Variants in SYT17 observed in about 807,000 individuals in gnomAD.
The protein encoded by SYT17 is synaptotagmin-17.
SYT17 carries 22 observed loss-of-function variants against 46.7 expected under a neutral mutation model. The observed-to-expected ratio is 0.47, with a 90% CI of 0.34 to 0.67. The LOEUF is 0.67. Among genes scored for constraint, SYT17 ranks in the 30% least tolerant of loss-of-function variants. SYT17 has a pLI of 0.01. For missense variants in SYT17, 519 were observed against 612.8 expected, an observed-to-expected ratio of 0.85 and a Z score of 1.62; for synonymous variants, 251 against 248.4, an observed-to-expected ratio of 1.01 and a Z score of -0.10.
intron 5 of SYT17, among the ~76,000 whole-genome samples, chr16:19,205,900 C>G (rs1965652580): frequency 6.6e-6 from 1 of 152,096 alleles, no homozygotes; most frequent in Admixed American, 6.6e-5. Context: ...TATTATGTTT[C>G]TTCCACTTTA....
chr16:19,200,892 G>A (rs1374447260), intron 5 of SYT17, among the ~76,000 whole-genome samples: 2 of 152,186 alleles, frequency 1.3e-5, no homozygotes, highest in African/African-American at 4.8e-5. Flanking sequence ...GAATTAAACT[G>A]GGCAACCGAG....
intron 6 of SYT17, 89 bp from the exon 7 acceptor site, chr16:19,224,594 C>A: frequency 7.0e-7 from 1 of 1,427,758 alleles, no homozygotes; most frequent in South Asian, 1.3e-5. Context: ...AATAAAAAGA[C>A]AGATGGATGG....
intron 7 of SYT17, among the ~76,000 whole-genome samples, chr16:19,235,584 G>A (rs1453843638): frequency 6.6e-6 from 1 of 152,198 alleles, no homozygotes; most frequent in African/African-American, 2.4e-5. Flanking sequence ...CTTAGAGAAA[G>A]TGTAATCAAC....
chr16:19,239,536 C>G (rs951463394), intron 7 of SYT17, among the ~76,000 whole-genome samples: 4 of 152,188 alleles, frequency 2.6e-5, no homozygotes, highest in African/African-American at 9.7e-5. Context: ...TAAAATCTAT[C>G]TCAGGGTTGT....
chr16:19,188,308 G>A (rs1296792182), intron 5 of SYT17, among the ~76,000 whole-genome samples: 1 of 151,964 alleles, frequency 6.6e-6, no homozygotes, highest in Admixed American at 6.6e-5. Flanking sequence ...CACAGAGAGG[G>A]GAACAACACA....
At chr16:19,214,567 G>A (rs1280796414) in intron 5 of SYT17, among the ~76,000 whole-genome samples, 1 of 152,066 alleles carries the variant, frequency 6.6e-6, no homozygotes, top group Non-Finnish European at 1.5e-5. Flanking sequence ...GCTGGCTCCA[G>A]GAACACCCCA....
intron 7 of SYT17, among the ~76,000 whole-genome samples, chr16:19,256,156 G>A (rs1968543076): frequency 6.6e-6 from 1 of 152,080 alleles, no homozygotes. Flanking sequence ...GGACAGGGCT[G>A]GTATGTGATA....
rs149788565 is a variant in SYT17, at chr16:19,183,687, T to C, written c.491T>C (p.Leu164Pro). ...FRKFEPHLYS[L>P]DSNSDDVDSL... ...AAGTTCGAACCCCACCTGTACTCCC[T>C]CGACTCCAACAGCGACGATGTGGAC... Residue 164 changes from leucine to proline, a missense_variant, in exon 5 of 8, where the codon CTC becomes CCC. Transcript: ENST00000355377. This position sits in a 1 kb window ranked among gnomAD's most constrained non-coding sequence, Gnocchi z 5.6. The C allele has an allele frequency of 8.6e-4, 1,382 of 1,614,192 alleles. 2 individuals are homozygous for C. Among genetic ancestry groups the C allele is most frequent in the South Asian group, 1.7e-3 (158 of 91,078 alleles).
At chr16:19,172,656 T>C in intron 1 of SYT17, 104 bp from the exon 2 acceptor site, 1 of 1,541,434 alleles carries the variant, frequency 6.5e-7, no homozygotes, top group Non-Finnish European at 8.7e-7. Flanking sequence ...TTTTGTAAAA[T>C]TTTTTTGAGT....
At chr16:19,262,084 T>C (rs1266229184) in intron 7 of SYT17, among the ~76,000 whole-genome samples, 1 of 152,214 alleles carries the variant, frequency 6.6e-6, no homozygotes, top group African/African-American at 2.4e-5. Flanking sequence ...TCAGGTCCAA[T>C]GATTCACCAC....
chr16:19,188,138 G>A (rs980443378), intron 5 of SYT17, among the ~76,000 whole-genome samples: 1 of 152,160 alleles, frequency 6.6e-6, no homozygotes, highest in African/African-American at 2.4e-5. Flanking sequence ...TATATACCAT[G>A]GAATACTATG....
intron 7 of SYT17, among the ~76,000 whole-genome samples, chr16:19,264,761 T>C (rs1265148349): frequency 6.6e-6 from 1 of 152,048 alleles, no homozygotes; most frequent in Non-Finnish European, 1.5e-5. Flanking sequence ...CTGGCTGATT[T>C]TTTGTATTTT....
rs141059074 is a variant in SYT17 at position 19,236,308 on chromosome 16, G to C, written c.1228+11470G>C. Among the ~76,000 whole-genome samples the C allele has an allele frequency of 4.5e-4, 69 of 152,274 alleles. 1 individual carries two copies. The East Asian group carries it at 8.7e-3, about 19-fold the overall frequency. ...ATTTATCATGAACCACCTGTATGTT[G>C]ATTTTCTCATTTAATCTTTCAACAA... On this transcript the variant is annotated intron_variant, in intron 7 of 7. Transcript: ENST00000355377.
At chr16:19,238,398 G>A (rs549710115) in intron 7 of SYT17, among the ~76,000 whole-genome samples, 5 of 152,246 alleles carry the variant, frequency 3.3e-5, no homozygotes, top group African/African-American at 4.8e-5. Context: ...CTAGCCAGGC[G>A]GTCAGGAGAT....
At chr16:19,251,440 G>A (rs1232539214) in intron 7 of SYT17, among the ~76,000 whole-genome samples, 2 of 152,234 alleles carry the variant, frequency 1.3e-5, no homozygotes, top group African/African-American at 4.8e-5. Flanking sequence ...AAAGGAAGAA[G>A]CTTGAATTCC....
At chr16:19,222,857 A>G (rs945025265) in intron 5 of SYT17, among the ~76,000 whole-genome samples, 188 bp from the exon 6 acceptor site, 6 of 152,014 alleles carry the variant, frequency 3.9e-5, no homozygotes, top group South Asian at 4.2e-4. Context: ...AGCGGAAAAA[A>G]CTCAGAGATA....
intron 5 of SYT17, among the ~76,000 whole-genome samples, chr16:19,189,716 G>A (rs1269849197): frequency 6.6e-6 from 1 of 152,200 alleles, no homozygotes; most frequent in Non-Finnish European, 1.5e-5. Context: ...TCAGTGGAAT[G>A]GAAAGGAGAG....
At position 19,224,736 on chromosome 16, in the gene SYT17, A is replaced by G. The variant is rs776690349; in HGVS notation, c.1126A>G (p.Lys376Glu). ...VHGLKLVKTK[K>E]TSFLRGTIDP... ...TGGACTCAAACTTGTGAAAACCAAG[A>G]AGACGTCCTTCTTAAGGGGCACAAT... The change falls in exon 7 of 8, where the codon AAG (lysine) becomes GAG (glutamate). Residue 376 changes from lysine to glutamate, a missense_variant. Coordinates refer to ENST00000355377, the MANE Select transcript of SYT17 (RefSeq NM_016524.4). 1 of 1,614,128 alleles carries G rather than the reference A, an allele frequency of 6.2e-7. No homozygotes were observed. The highest frequency in any genetic ancestry group is 1.1e-5 in the South Asian group (1 of 91,072).
chr16:19,234,230 T>C (rs1440119981), intron 7 of SYT17, among the ~76,000 whole-genome samples: 1 of 151,666 alleles, frequency 6.6e-6, no homozygotes, highest in African/African-American at 2.4e-5. Flanking sequence ...GGAGGCTGAG[T>C]TGGGAGGATC....
Sources: allele counts gnomAD v4.1 joint callset (sites outside exome capture counted in the v4.1 genomes callset), GRCh38; gene constraint gnomAD v4.1.1; non-coding constraint Gnocchi (gnomAD v3.1); transcripts MANE v1.5; gene names NCBI Gene and HGNC (gene_info 2026-07-23, HGNC 2026-07-21).